Variants in PADI6 observed in about 807,000 individuals in gnomAD.
PADI6 encodes the protein peptidyl arginine deiminase 6, also known as inactive protein-arginine deiminase type-6.
A neutral mutation model predicts 78.2 loss-of-function variants in PADI6; 66 were observed. The observed-to-expected ratio is 0.84, with a 90% CI of 0.69 to 1.04. PADI6 has a LOEUF of 1.04. PADI6 is among the 50% of genes least tolerant of loss of function. PADI6 has a pLI of 0.00. For synonymous variants in PADI6, 397 were observed against 346.9 expected (o/e 1.14, Z -1.60); for missense variants, 854 against 866.1 (o/e 0.99, Z 0.18).
rs779241653 is a variant in PADI6, at chr1:17,388,920, T to C, written c.962+40T>C. 5 of 1,494,782 alleles carry C rather than the reference T, an allele frequency of 3.3e-6. No homozygotes were observed. The Admixed American group carries it at 5.3e-5, about 16-fold the overall frequency. 92.6% of individuals were successfully genotyped at this position (1,494,782 alleles called of 1,614,324 possible). A position where few individuals can be genotyped will look rare whatever the true frequency, so the allele number is the denominator to read the frequency against. On this transcript the variant is annotated intron_variant, in intron 8 of 15. Transcript: ENST00000619609. Reference sequence around the variant, plus strand: ...GGCTGACTGTGCCAGGCGGTTCTCATAACTGGCACCCTCTTCTTTCTATAT... The same window carrying C: ...GGCTGACTGTGCCAGGCGGTTCTCACAACTGGCACCCTCTTCTTTCTATAT...
rs766950060 is a variant in PADI6, at chr1:17,372,199, C to T, written c.-47C>T. ...GGGAAGGGCAGGGTGAGCCCTGGGG[C>T]GTCTGAGGCTGCTGTGCTGAGTGAG... On this transcript the variant is annotated 5_prime_UTR_variant, in exon 1 of 16. Transcript: ENST00000619609. 97 of 1,530,096 alleles carry T rather than the reference C, an allele frequency of 6.3e-5. No homozygotes were observed. The highest frequency in any genetic ancestry group is 1.7e-4 in the Middle Eastern group (1 of 5,784). The allele number at this position is 1,530,096 out of a possible 1,614,324, so 94.8% of individuals were successfully genotyped here. A position where few individuals can be genotyped will look rare whatever the true frequency, so the allele number is the denominator to read the frequency against.
At chr1:17,394,625 A>G (rs2075227253) in intron 11 of PADI6, among the ~76,000 whole-genome samples, 171 bp downstream of exon 11, 2 of 152,114 alleles carry the variant, frequency 1.3e-5, no homozygotes, top group Admixed American at 6.5e-5. Context: ...AGAATAAACC[A>G]TTTATTCTTT....
In PADI6 at chr1:17,388,297, A is replaced by G. The variant is rs965939060; in HGVS notation, c.680-84A>G. On this transcript the variant is annotated intron_variant, in intron 6 of 15. Transcript: ENST00000619609. ...AACTCACAGCCTTGCATCTGATATG[A>G]GGAATGAGCTGGTACCTTGACCATC... 1.2e-5 allele frequency: 15 copies of G among 1,274,056 alleles called. No homozygotes were observed. The African/African-American group carries it at 1.9e-4, about 17-fold the overall frequency. 78.9% of individuals were successfully genotyped at this position (1,274,056 alleles called of 1,614,324 possible).
chr1:17,395,746 T>C, intron 13 of PADI6, 83 bp downstream of exon 13: 15 of 1,487,212 alleles, frequency 1.0e-5, no homozygotes, highest in Non-Finnish European at 1.2e-5. Context: ...TCTGTCACGC[T>C]TGGCGTAAAG....
At chr1:17,384,259 GTC>G (rs1336847891) in intron 6 of PADI6, among the ~76,000 whole-genome samples, 1 of 152,080 alleles carries the variant, frequency 6.6e-6, no homozygotes, top group Non-Finnish European at 1.5e-5. Flanking sequence ...CAGCAAAAGA[GTC>G]TGAAAAGTTT....
In PADI6 at chr1:17,397,121, A is replaced by C; in HGVS notation, c.1669A>C (p.Lys557Gln). The C allele has an allele frequency of 6.2e-7, 1 of 1,613,932 alleles. No homozygotes were observed. The highest frequency in any genetic ancestry group is 8.5e-7 in the Non-Finnish European group (1 of 1,179,850). The change falls in exon 14 of 16, where the codon AAG (lysine) becomes CAG (glutamine). Residue 557 changes from lysine to glutamine, a missense_variant. Coordinates refer to ENST00000619609, the MANE Select transcript of PADI6 (RefSeq NM_207421.4). ...ACTTCTGGCTGATGAAAGCCTGAAG[A>C]AGCAGAATGAATACGTGGAGGTAGG... ...DQLLADESLK[K>Q]QNEYVEKCIH...
intron 4 of PADI6, among the ~76,000 whole-genome samples, 199 bp downstream of exon 4, chr1:17,380,186 AT>A (rs968894310): frequency 6.6e-6 from 1 of 151,060 alleles, no homozygotes; most frequent in African/African-American, 2.4e-5. Flanking sequence ...TTTGTGGGGT[AT>A]TTTTTTGTTT....
intron 3 of PADI6, among the ~76,000 whole-genome samples, chr1:17,378,956 G>C (rs6663329): frequency 3.6e-4 from 32 of 88,478 alleles, no homozygotes; most frequent in African/African-American, 1.7e-3. Context: ...AATTTTTTTT[G>C]GGGGGGGGGA....
At position 17,401,192 on chromosome 1, in the gene PADI6, G is replaced by C. The variant is rs773730527; in HGVS notation, c.1852-13G>C. On this transcript the variant is annotated splice_polypyrimidine_tract_variant and intron_variant, in intron 15 of 15. Coordinates refer to ENST00000619609, the MANE Select transcript of PADI6 (RefSeq NM_207421.4). The stretch of plus-strand genomic sequence containing the variant: ...TCCCTGTCCAGGCCTCACCCACCCT[G>C]TCTTTCTAACAGTTGCGGATGATTG... 3.7e-6 allele frequency: 6 copies of C among 1,613,080 alleles called. No individual in the cohort carries two copies. The East Asian group carries it at 1.3e-4, about 36-fold the overall frequency.
intron 3 of PADI6, among the ~76,000 whole-genome samples, chr1:17,375,974 ACTTTTTTTTT>A (rs1484841738): frequency 3.4e-5 from 5 of 148,718 alleles, no homozygotes; most frequent in Non-Finnish European, 7.4e-5. Context: ...TATAACATCT[ACTTTTTTTTT>A]CTTTTTTTTC....
chr1:17,378,393 T>C (rs1177407803), intron 3 of PADI6, among the ~76,000 whole-genome samples: 4 of 152,168 alleles, frequency 2.6e-5, no homozygotes, highest in Non-Finnish European at 5.9e-5. Context: ...CAGGTGCTGA[T>C]GATGTAACAG....
chr1:17,398,648 T>TCCCCTGCCCCC, intron 14 of PADI6, 38 bp from the exon 15 acceptor site: 1 of 193,328 alleles, frequency 5.2e-6, no homozygotes, highest in Non-Finnish European at 9.0e-6. Flanking sequence ...CTCTCCTTGC[T>TCCCCTGCCCCC]CCCCCGCCCC....
At chr1:17,388,627 G>T (rs1243539338) in intron 7 of PADI6, 68 bp downstream of exon 7, 24 of 1,492,152 alleles carry the variant, frequency 1.6e-5, no homozygotes, top group Admixed American at 5.8e-5. Flanking sequence ...ATCTCCCACA[G>T]TTGGGCAGAG....
intron 3 of PADI6, 44 bp from the exon 4 acceptor site, chr1:17,379,876 C>CT (rs1450777188): frequency 1.9e-6 from 3 of 1,574,216 alleles, no homozygotes; most frequent in Non-Finnish European, 2.6e-6. Context: ...GAGGTTCCAT[C>CT]TGGCAGGTCA....
chr1:17,388,382 A>C lies in PADI6; in HGVS notation c.681A>C (p.Lys227Asn). 6.2e-7 allele frequency: 1 copy of C among 1,609,308 alleles called. No individual in the cohort carries two copies. Among genetic ancestry groups the C allele is most frequent in the South Asian group, 1.1e-5 (1 of 90,354 alleles). The change falls in exon 7 of 16, where the codon AAA becomes AAC. Residue 227 changes from lysine to asparagine, a missense_variant and splice_region_variant. Lys to Asn is a moderately conservative substitution (Grantham distance 94). Coordinates refer to ENST00000619609, the MANE Select transcript of PADI6 (RefSeq NM_207421.4). ...GTCCATCCCTTCTTTCTCTCCTAGA[A>C]GACAACTCCAGTACCTTTGAGTTGG... ...SKKARVYWPQ[K>N]DNSSTFELVL...
Position 17,372,220 on chromosome 1 carries a change from G to T in PADI6, c.-26G>T. On this transcript the variant is annotated 5_prime_UTR_variant, in exon 1 of 16. Coordinates refer to ENST00000619609, the MANE Select transcript of PADI6 (RefSeq NM_207421.4). ...GGGGCGTCTGAGGCTGCTGTGCTGA[G>T]TGAGGGCTGCGGTGCAGGCCTGAGG... 13 of 1,601,378 alleles carry T rather than the reference G, an allele frequency of 8.1e-6. No homozygotes were observed. Among genetic ancestry groups the T allele is most frequent in the Non-Finnish European group, 1.1e-5 (13 of 1,168,506 alleles).
chr1:17,376,733 T>C (rs954920140), intron 3 of PADI6, among the ~76,000 whole-genome samples: 2 of 152,060 alleles, frequency 1.3e-5, no homozygotes, highest in Non-Finnish European at 2.9e-5. Context: ...CCCACCTCTC[T>C]TCCTGAGGAG....
rs1346763561 is a variant in PADI6 at position 17,401,233 on chromosome 1, TG to T, written c.1884del (p.Ile629SerfsTer40). On this transcript the variant is annotated frameshift_variant, in exon 16 of 16. Transcript: ENST00000619609. LOFTEE classifies it high-confidence loss of function. The stretch of plus-strand genomic sequence containing the variant: ...CGGATGATTGTGATGGGCAAGAACC[TG>T]GGGATCCCCAAGCCTTTTGGGCCCC... Reference protein sequence around the residue: ...LLRMIVMGKNLGIPKPFGPQI... With the variant: ...LLRMIVMGKNXGIPKPFGPQI... The T allele has an allele frequency of 1.9e-6, 3 of 1,613,902 alleles. No homozygotes were observed. The highest frequency in any genetic ancestry group is 2.5e-6 in the Non-Finnish European group (3 of 1,179,888).
At chr1:17,378,598 GT>G (rs997592030) in intron 3 of PADI6, among the ~76,000 whole-genome samples, 1 of 151,996 alleles carries the variant, frequency 6.6e-6, no homozygotes, top group East Asian at 1.9e-4. Context: ...CCTTAAGTGT[GT>G]TTTTTTGTTT....
Sources: gnomAD v4.1 joint callset for allele counts (sites outside exome capture counted in the v4.1 genomes callset) on GRCh38, gnomAD v4.1.1 for gene constraint, MANE v1.5 for transcripts, NCBI Gene and HGNC (gene_info 2026-07-23, HGNC 2026-07-21) for gene names.